The following FXR1 variants were observed in gnomAD, a reference collection of about 807,000 sequenced individuals.
FXR1 encodes RNA-binding protein FXR1.
A neutral mutation model predicts 84.0 loss-of-function variants in FXR1; 15 were observed. That is an observed-to-expected ratio of 0.18 (90% CI 0.12 to 0.27). The LOEUF is 0.27. Among genes scored for constraint, FXR1 ranks in the 10% least tolerant of loss-of-function variants. The pLI, the probability that FXR1 is intolerant of heterozygous loss-of-function variation, is 1.00. For synonymous variants in FXR1, 245 were observed against 250.7 expected, an observed-to-expected ratio of 0.98 and a Z score of 0.21; for missense variants, 480 against 774.4, an observed-to-expected ratio of 0.62 and a Z score of 4.51.
intron 1 of FXR1, among the ~76,000 whole-genome samples, chr3:180,920,017 C>CT (rs1179033622): frequency 2.0e-5 from 3 of 152,308 alleles, no homozygotes; most frequent in East Asian, 3.9e-4. Context: ...CTGCCATTCT[C>CT]TATCTTCAGC....
chr3:180,914,768 A>AT (rs1483597674), intron 1 of FXR1: 1 of 961,380 alleles, frequency 1.0e-6, no homozygotes, highest in Middle Eastern at 5.3e-4. Flanking sequence ...TCCATTACTC[A>AT]TTTTGCCTCA....
At chr3:180,917,008 G>A (rs1717975071) in intron 1 of FXR1, among the ~76,000 whole-genome samples, 1 of 151,964 alleles carries the variant, frequency 6.6e-6, no homozygotes, top group Non-Finnish European at 1.5e-5. Flanking sequence ...CTAATTTTTT[G>A]TATTTTTAGT....
intron 1 of FXR1, among the ~76,000 whole-genome samples, chr3:180,928,807 T>C (rs1455038391): frequency 2.0e-5 from 3 of 152,218 alleles, no homozygotes; most frequent in African/African-American, 7.2e-5. Flanking sequence ...TTTAAAAAAT[T>C]GTTTTATACT....
chr3:180,947,851 T>C lies in FXR1; in HGVS notation c.199-14T>C. ...TTGGGATGAATGGATATAGGCATTT[T>C]TTTTTCTTCTCAGGTATATTCAAGA... On this transcript the variant is annotated splice_polypyrimidine_tract_variant and intron_variant, in intron 3 of 16. Transcript: ENST00000357559. 1.9e-6 allele frequency: 3 copies of C among 1,551,368 alleles called. No individual in the cohort carries two copies. Among genetic ancestry groups the C allele is most frequent in the East Asian group, 2.3e-5 (1 of 44,264 alleles).
rs1335127150 is a variant in FXR1 at position 180,948,460 on chromosome 3, A to G, written c.384A>G (p.Lys128=). Residue 128 remains lysine, a synonymous_variant, in exon 5 of 17, where the codon AAA becomes AAG. Transcript: ENST00000357559. ...NKTVKKNTFF[K]CTVDVPEDLR... ...CTGTCAAAAAAAATACCTTCTTTAA[A>G]TGCACAGTGGATGTTCCTGAGGATT... 1 of 1,609,368 alleles carries G rather than the reference A, an allele frequency of 6.2e-7. No homozygotes were observed. Among genetic ancestry groups the G allele is most frequent in the Non-Finnish European group, 8.5e-7 (1 of 1,175,686 alleles).
intron 1 of FXR1, among the ~76,000 whole-genome samples, chr3:180,930,194 T>G (rs1719719803): frequency 6.6e-6 from 1 of 151,612 alleles, no homozygotes; most frequent in Non-Finnish European, 1.5e-5. Flanking sequence ...ACCAGGGAGT[T>G]GGAGGTTGCG....
In FXR1 at chr3:180,979,003, T is replaced by G. The variant is rs1464885653; in HGVS notation, c.*2711T>G. The G allele has an allele frequency of 1.3e-5, 2 of 152,074 alleles. No individual in the cohort carries two copies. The highest frequency in any genetic ancestry group is 6.6e-5 in the Admixed American group (1 of 15,262). 9.4% of individuals were successfully genotyped at this position (152,074 alleles called of 1,614,324 possible). ...TACACAAATCTTTATTTTGAAATAA[T>G]CTTGTATTTTAATGTGGAATTAGAA... is the stretch of plus-strand genomic sequence containing the variant. On this transcript the variant is annotated 3_prime_UTR_variant, in exon 17 of 17. Coordinates refer to ENST00000357559, the MANE Select transcript of FXR1 (RefSeq NM_005087.4).
At chr3:180,939,750 T>G (rs1720924553) in intron 3 of FXR1, among the ~76,000 whole-genome samples, 1 of 152,236 alleles carries the variant, frequency 6.6e-6, no homozygotes. Context: ...CCAAATGTAT[T>G]CAGAGGGTTT....
intron 3 of FXR1, among the ~76,000 whole-genome samples, chr3:180,941,393 A>G (rs1221476095): frequency 2.0e-5 from 3 of 151,972 alleles, no homozygotes; most frequent in Admixed American, 6.6e-5. Flanking sequence ...AGGTTTTGCC[A>G]TGGTGCCCAA....
chr3:180,944,291 G>T (rs1721450996), intron 3 of FXR1, among the ~76,000 whole-genome samples: 1 of 151,634 alleles, frequency 6.6e-6, no homozygotes, highest in Non-Finnish European at 1.5e-5. Flanking sequence ...TTTTGTAGCA[G>T]AAAGAATGAA....
chr3:180,980,056 CTA>C lies in FXR1; in HGVS notation c.*3766_*3767del, dbSNP rs1337139184. 6.6e-6 allele frequency: 1 copy of C among 152,004 alleles called. No individual in the cohort carries two copies. The highest frequency in any genetic ancestry group is 1.5e-5 in the Non-Finnish European group (1 of 67,920). 9.4% of individuals were successfully genotyped at this position (152,004 alleles called of 1,614,324 possible). Reference sequence around the variant, plus strand: ...TATTTTAGCTCTATTAACTTTTTCTCTATGGTTTCAATTTTATCCAACCAGAG... The same window carrying C: ...TATTTTAGCTCTATTAACTTTTTCTCTGGTTTCAATTTTATCCAACCAGAG... On this transcript the variant is annotated 3_prime_UTR_variant, in exon 17 of 17. Coordinates refer to ENST00000357559, the MANE Select transcript of FXR1 (RefSeq NM_005087.4).
At chr3:180,921,578 A>C (rs531918586) in intron 1 of FXR1, among the ~76,000 whole-genome samples, 2 of 152,116 alleles carry the variant, frequency 1.3e-5, no homozygotes, top group African/African-American at 4.8e-5. Flanking sequence ...ACTATTTGGT[A>C]CTTGTTGGAA....
chr3:180,945,770 C>G (rs1433647868), intron 3 of FXR1, among the ~76,000 whole-genome samples: 1 of 152,160 alleles, frequency 6.6e-6, no homozygotes, highest in Non-Finnish European at 1.5e-5. Context: ...CCAGGATGAT[C>G]TGGGTTCTTG....
At chr3:180,947,748 A>C (rs1721846292) in intron 3 of FXR1, 117 bp from the exon 4 acceptor site, 3 of 493,090 alleles carry the variant, frequency 6.1e-6, no homozygotes, top group South Asian at 1.1e-4. Context: ...ATGCCAATTT[A>C]AATAAAATAG....
intron 14 of FXR1, among the ~76,000 whole-genome samples, chr3:180,969,083 C>T (rs1220336450): frequency 6.6e-6 from 1 of 152,132 alleles, no homozygotes; most frequent in Non-Finnish European, 1.5e-5. Flanking sequence ...ACTGTGCTTA[C>T]AAATTACAAA....
chr3:180,925,359 CAA>C (rs374315439), intron 1 of FXR1, among the ~76,000 whole-genome samples: 13 of 128,550 alleles, frequency 1.0e-4, no homozygotes, highest in South Asian at 2.4e-4. Flanking sequence ...GACTCCATCT[CAA>C]AAAAAAAAAA....
intron 1 of FXR1, among the ~76,000 whole-genome samples, chr3:180,913,557 C>G (rs1038974241): frequency 6.6e-6 from 1 of 151,860 alleles, no homozygotes; most frequent in African/African-American, 2.4e-5. Flanking sequence ...TGTTTGTTTG[C>G]TTGGGAGGAA....
At chr3:180,976,074 A>G in intron 16 of FXR1, 48 bp from the exon 17 acceptor site, 1 of 1,481,048 alleles carries the variant, frequency 6.8e-7, no homozygotes, top group Non-Finnish European at 9.2e-7. Context: ...CTCCTCAGCT[A>G]TAGATTTCAT....
At chr3:180,944,851 G>A (rs927469541) in intron 3 of FXR1, among the ~76,000 whole-genome samples, 2 of 152,200 alleles carry the variant, frequency 1.3e-5, no homozygotes, top group African/African-American at 4.8e-5. Context: ...TCGAACTCTG[G>A]AGCCAAAGTG....
Sources: allele counts gnomAD v4.1 joint callset (sites outside exome capture counted in the v4.1 genomes callset), GRCh38; gene constraint gnomAD v4.1.1; transcripts MANE v1.5; gene names NCBI Gene and HGNC (gene_info 2026-07-23, HGNC 2026-07-21).